CCDC149: variants seen among roughly 807,000 people sequenced by gnomAD.
CCDC149 encodes coiled-coil domain containing 149.
CCDC149 carries 45 observed loss-of-function variants against 59.9 expected under a neutral mutation model. That is an observed-to-expected ratio of 0.75 (90% CI 0.59 to 0.96). The LOEUF (loss-of-function observed/expected upper bound fraction) is 0.96. Among genes scored for constraint, CCDC149 ranks in the 40% least tolerant of loss-of-function variants. The probability of loss-of-function intolerance (pLI) is 0.00; values close to 1 mark genes in which losing one functional copy is unlikely to be tolerated. For missense variants in CCDC149, 584 were observed against 664.7 expected, an observed-to-expected ratio of 0.88 and a Z score of 1.33; for synonymous variants, 245 against 260.6, an observed-to-expected ratio of 0.94 and a Z score of 0.58.
intron 9 of CCDC149, chr4:24,829,050 C>G (rs890098551): frequency 6.6e-6 from 1 of 152,366 alleles, no homozygotes; most frequent in Non-Finnish European, 1.5e-5. Flanking sequence ...CTTTGGCAGG[C>G]AATGGGGACT....
In CCDC149 at chr4:24,844,411, G is replaced by A. The variant is rs138721429; in HGVS notation, c.373-6139C>T. Reference sequence around the variant, plus strand: ...CCCTGAGAGGTTGGCACATGGCTCTGAGGCCAGTGTTAACTGGCCAAAAGC... The same window carrying A: ...CCCTGAGAGGTTGGCACATGGCTCTAAGGCCAGTGTTAACTGGCCAAAAGC... On this transcript the variant is annotated intron_variant, in intron 4 of 12. Coordinates refer to ENST00000635206, the MANE Select transcript of CCDC149 (RefSeq NM_001330643.2). Among the ~76,000 whole-genome samples, 247 of 152,300 alleles carry A rather than the reference G, an allele frequency of 1.6e-3. 1 individual carries two copies. Among genetic ancestry groups the A allele is most frequent in the African/African-American group, 5.5e-3 (229 of 41,562 alleles).
Position 24,867,367 on chromosome 4 carries a change from C to A in CCDC149, c.264+6314G>T, listed in dbSNP as rs201134321. ...GCAATTAAATGCCAGAATCTAAGTT[C>A]TTTTTATTTATTGCTAACTGTGATG... On this transcript the variant is annotated intron_variant, in intron 3 of 12. Transcript: ENST00000635206. Among the ~76,000 whole-genome samples, 11 of 152,306 alleles carry A rather than the reference C, an allele frequency of 7.2e-5. 1 individual carries two copies. The East Asian group carries it at 1.5e-3, about 21-fold the overall frequency.
intron 1 of CCDC149, among the ~76,000 whole-genome samples, chr4:24,898,991 C>G (rs1721003398): frequency 6.6e-6 from 1 of 152,136 alleles, no homozygotes; most frequent in Non-Finnish European, 1.5e-5. Flanking sequence ...TGGAGGCCAA[C>G]TGAGGCACAT....
rs966341389 is a variant in CCDC149, at chr4:24,895,412, A to G, written c.63+17405T>C. The stretch of plus-strand genomic sequence containing the variant: ...TTCATTTTTAGAAATTAGGGCATGG[A>G]AACATGGAAGATTACAGCAGTCAGC... On this transcript the variant is annotated intron_variant, in intron 1 of 12. Transcript: ENST00000635206. 3.3e-5 allele frequency among the ~76,000 whole-genome samples: 5 copies of G among 152,230 alleles called. No individual in the cohort carries two copies. In the South Asian group the frequency reaches 1.0e-3, roughly 31 times the overall value.
rs184174661 is a variant in CCDC149 at position 24,944,294 on chromosome 4, C to G, written c.-65+35775G>C. Among the ~76,000 whole-genome samples the G allele has an allele frequency of 6.3e-3, 955 of 151,352 alleles. 7 individuals are homozygous for G. The highest frequency in any genetic ancestry group is 9.9e-3 in the Non-Finnish European group (671 of 67,936). Reference sequence around the variant, plus strand: ...AACTATCATTCTCAGCAAACTATCGCAAGGACTAAAAACCAAACACCGCAT... The same window carrying G: ...AACTATCATTCTCAGCAAACTATCGGAAGGACTAAAAACCAAACACCGCAT... On this transcript the variant is annotated intron_variant, in intron 1 of 12. Transcript: ENST00000389609.
At chr4:24,811,741 C>T (rs191374736) in intron 12 of CCDC149, among the ~76,000 whole-genome samples, 160 of 152,154 alleles carry the variant, frequency 1.1e-3, no homozygotes, top group African/African-American at 3.6e-3. Context: ...AGTGTGGTAG[C>T]GCGTGCCTGT....
At chr4:24,909,407 A>C (rs1721739149) in intron 1 of CCDC149, among the ~76,000 whole-genome samples, 1 of 152,190 alleles carries the variant, frequency 6.6e-6, no homozygotes, top group African/African-American at 2.4e-5. Flanking sequence ...CTCTTCCCTG[A>C]ATCTTACCTG....
chr4:24,963,452 C>T (rs544090651), intron 1 of CCDC149, among the ~76,000 whole-genome samples: 1 of 152,252 alleles, frequency 6.6e-6, no homozygotes, highest in South Asian at 2.1e-4. Flanking sequence ...CACACACTCT[C>T]AGTGTCAGCA....
chr4:24,867,472 A>G (rs1170477144), intron 3 of CCDC149, among the ~76,000 whole-genome samples: 1 of 152,232 alleles, frequency 6.6e-6, no homozygotes, highest in Non-Finnish European at 1.5e-5. Flanking sequence ...AGGCATGCAT[A>G]TATGCATGGT....
chr4:24,940,680 A>C (rs1037289675), intron 1 of CCDC149, among the ~76,000 whole-genome samples: 1 of 152,244 alleles, frequency 6.6e-6, no homozygotes, highest in Non-Finnish European at 1.5e-5. Context: ...ACATAGGCTC[A>C]AAATAAAAGG....
rs544508259 is a variant in CCDC149, at chr4:24,872,236, G to C, written c.264+1445C>G. On this transcript the variant is annotated intron_variant, in intron 3 of 12. Coordinates refer to ENST00000635206, the MANE Select transcript of CCDC149 (RefSeq NM_001330643.2). Reference sequence around the variant, plus strand: ...ATAAAAATGTGCATGTAAAACCATTGGTTTGGTCAATAAACAGTGTTGGCC... The same window carrying C: ...ATAAAAATGTGCATGTAAAACCATTCGTTTGGTCAATAAACAGTGTTGGCC... 2.6e-5 allele frequency among the ~76,000 whole-genome samples: 4 copies of C among 152,304 alleles called. No homozygotes were observed. In the South Asian group the frequency reaches 8.3e-4, roughly 32 times the overall value.
intron 3 of CCDC149, among the ~76,000 whole-genome samples, chr4:24,854,563 C>T (rs1036190144): frequency 2.0e-5 from 3 of 152,128 alleles, no homozygotes; most frequent in Non-Finnish European, 4.4e-5. Flanking sequence ...TGAAGAAACC[C>T]AAATCCAGAG....
chr4:24,893,965 T>C (rs927016099), intron 1 of CCDC149, among the ~76,000 whole-genome samples: 2 of 152,172 alleles, frequency 1.3e-5, no homozygotes, highest in Admixed American at 6.5e-5. Context: ...GGTCCACTCA[T>C]TCACTCATTC....
At chr4:24,848,770 T>C (rs1420238430) in intron 4 of CCDC149, among the ~76,000 whole-genome samples, 2 of 152,034 alleles carry the variant, frequency 1.3e-5, no homozygotes, top group East Asian at 1.9e-4. Context: ...CTTCTATCCA[T>C]GAAATTGTCA....
intron 1 of CCDC149, among the ~76,000 whole-genome samples, chr4:24,889,151 G>A (rs1022743758): frequency 6.6e-6 from 1 of 152,136 alleles, no homozygotes; most frequent in African/African-American, 2.4e-5. Flanking sequence ...AGGTTTGCCT[G>A]AATATCTATT....
chr4:24,955,192 T>C (rs1723432265), intron 1 of CCDC149, among the ~76,000 whole-genome samples: 1 of 152,150 alleles, frequency 6.6e-6, no homozygotes, highest in Non-Finnish European at 1.5e-5. Context: ...GCACTAGCAT[T>C]TGGTGTCTGG....
At chr4:24,916,294 T>A (rs150966179), upstream of CCDC149, among the ~76,000 whole-genome samples, 524 of 152,326 alleles carry the variant, frequency 3.4e-3, 2 homozygotes, top group African/African-American at 0.012. Context: ...GTGATGCTTT[T>A]CACTTTTAAA....
At chr4:24,920,562 A>G (rs749184542) in intron 1 of CCDC149, among the ~76,000 whole-genome samples, 7 of 152,214 alleles carry the variant, frequency 4.6e-5, no homozygotes, top group Non-Finnish European at 7.3e-5. Flanking sequence ...TGGTCAAAGC[A>G]TTGAAAACCA....
At chr4:24,912,714 C>T (rs1228555012) in intron 1 of CCDC149, 103 bp downstream of exon 1, 13 of 796,702 alleles carry the variant, frequency 1.6e-5, no homozygotes, top group African/African-American at 3.7e-5. Flanking sequence ...GGAGTGCGCG[C>T]CCCCCTCTCG....
Sources: gnomAD v4.1 joint callset for allele counts (sites outside exome capture counted in the v4.1 genomes callset) on GRCh38, gnomAD v4.1.1 for gene constraint, MANE v1.5 for transcripts, NCBI Gene and HGNC (gene_info 2026-07-23, HGNC 2026-07-21) for gene names.